Variants in EEF1AKMT2 observed in about 807,000 individuals in gnomAD.
EEF1AKMT2 encodes EEF1A lysine methyltransferase 2.
Under a neutral mutation model 35.8 loss-of-function variants are expected in EEF1AKMT2, and 32 were observed. The observed-to-expected ratio is 0.89, with a 90% CI of 0.67 to 1.20. The LOEUF (loss-of-function observed/expected upper bound fraction) is 1.20, where lower values mean the gene tolerates loss of function less well. Among genes scored for constraint, EEF1AKMT2 ranks in the 50% most tolerant of loss-of-function variants. The pLI is 0.00. For synonymous variants in EEF1AKMT2, 121 were observed against 133.7 expected (o/e 0.91, Z 0.65); for missense variants, 330 against 347.5 (o/e 0.95, Z 0.40).
intron 3 of EEF1AKMT2, among the ~76,000 whole-genome samples, chr10:124,782,455 G>A (rs919551068): frequency 8.6e-5 from 13 of 151,574 alleles, no homozygotes; most frequent in African/African-American, 2.4e-4. Flanking sequence ...GGTAGCGGGC[G>A]CCTGTAGTCC....
chr10:124,776,478 C>G (rs1263736957), intron 3 of EEF1AKMT2, among the ~76,000 whole-genome samples: 1 of 152,218 alleles, frequency 6.6e-6, no homozygotes, highest in East Asian at 1.9e-4. Context: ...TAGCAGAGAA[C>G]TGAAAACCAC....
At chr10:124,764,011 T>G (rs1950355585) in intron 5 of EEF1AKMT2, among the ~76,000 whole-genome samples, 1 of 152,168 alleles carries the variant, frequency 6.6e-6, no homozygotes, top group Admixed American at 6.5e-5. Context: ...CTCAAACACT[T>G]CAGGTTTTAC....
intron 4 of EEF1AKMT2, among the ~76,000 whole-genome samples, chr10:124,770,912 A>T (rs955370302): frequency 6.6e-6 from 1 of 152,130 alleles, no homozygotes; most frequent in African/African-American, 2.4e-5. Flanking sequence ...TTCTAATTCT[A>T]GTTTGCTACT....
In EEF1AKMT2 at chr10:124,762,486, G is replaced by C. The variant is rs1191438423; in HGVS notation, c.689C>G (p.Ser230Ter). ...TGTAGTTCCACCTACTCGGGAGGCT[G>C]AAGTGGAAAAGATCGCTTGAGCCCA... ...TSWAQAIFST[S>*]ASRVGGTTGT... Residue 230 changes from serine (S) to a stop codon, truncating the protein, a stop_gained, in exon 6 of 7, where the codon TCA (serine) becomes TGA (stop). Coordinates refer to ENST00000368836, the MANE Select transcript of EEF1AKMT2 (RefSeq NM_212554.4). LOFTEE classifies it high-confidence loss of function. 1 of 1,292,064 alleles carries C rather than the reference G, an allele frequency of 7.7e-7. No individual in the cohort carries two copies. Among genetic ancestry groups the C allele is most frequent in the East Asian group, 5.6e-5 (1 of 17,882 alleles). 80.0% of individuals were successfully genotyped at this position (1,292,064 alleles called of 1,614,324 possible).
Position 124,789,125 on chromosome 10 carries a change from CTTA to C in EEF1AKMT2, c.206_208del (p.Ile69del). 6.2e-7 allele frequency: 1 copy of C among 1,613,494 alleles called. No individual in the cohort carries two copies. The highest frequency in any genetic ancestry group is 8.5e-7 in the Non-Finnish European group (1 of 1,179,726). On this transcript the variant is annotated inframe_deletion, in exon 3 of 7. Coordinates refer to ENST00000368836, the MANE Select transcript of EEF1AKMT2 (RefSeq NM_212554.4). ...TGGAATCTTGTGTTTCTGCATCCACCTTATTAGTCGATTCATACTCTCTTCTCC... is the reference window on the plus strand; with the variant it reads ...TGGAATCTTGTGTTTCTGCATCCACCTTAGTCGATTCATACTCTCTTCTCC...
intron 2 of EEF1AKMT2, among the ~76,000 whole-genome samples, 194 bp downstream of exon 2, chr10:124,790,077 TAG>T (rs1248540032): frequency 2.0e-5 from 3 of 151,938 alleles, no homozygotes; most frequent in Non-Finnish European, 4.4e-5. Context: ...CTAATTTTCG[TAG>T]AGACAGGGTT....
intron 3 of EEF1AKMT2, among the ~76,000 whole-genome samples, chr10:124,775,266 T>C (rs1428859814): frequency 6.6e-6 from 1 of 152,230 alleles, no homozygotes; most frequent in Non-Finnish European, 1.5e-5. Context: ...TCTACATTTG[T>C]ATACTACTTT....
At chr10:124,762,693 G>A (rs977971935) in intron 5 of EEF1AKMT2, 135 bp from the exon 6 acceptor site, 6 of 416,044 alleles carry the variant, frequency 1.4e-5, no homozygotes, top group African/African-American at 8.4e-5. Flanking sequence ...CATAATAACC[G>A]AATATTATAA....
At chr10:124,769,237 T>TAA (rs1950407291) in intron 4 of EEF1AKMT2, among the ~76,000 whole-genome samples, 1 of 15,124 alleles carries the variant, frequency 6.6e-5, no homozygotes, top group Non-Finnish European at 2.5e-4. Flanking sequence ...AAAAAAAATA[T>TAA]ATATATATAT....
intron 5 of EEF1AKMT2, among the ~76,000 whole-genome samples, chr10:124,764,162 G>A (rs955472745): frequency 2.0e-5 from 3 of 152,046 alleles, no homozygotes; most frequent in Non-Finnish European, 4.4e-5. Flanking sequence ...ATGGTACACA[G>A]TAAACTATTC....
intron 1 of EEF1AKMT2, among the ~76,000 whole-genome samples, chr10:124,790,592 G>A (rs1453391290): frequency 6.6e-6 from 1 of 151,958 alleles, no homozygotes; most frequent in Non-Finnish European, 1.5e-5. Flanking sequence ...ATAAGTTTTA[G>A]CCTAAAAAAA....
At chr10:124,778,241 C>T (rs531149160) in intron 3 of EEF1AKMT2, among the ~76,000 whole-genome samples, 64 of 152,026 alleles carry the variant, frequency 4.2e-4, no homozygotes, top group African/African-American at 1.4e-3. Flanking sequence ...TATATGTATA[C>T]CCAATCCATA....
chr10:124,768,371 G>A (rs1231046121), intron 4 of EEF1AKMT2, among the ~76,000 whole-genome samples: 1 of 152,142 alleles, frequency 6.6e-6, no homozygotes, highest in Non-Finnish European at 1.5e-5. Flanking sequence ...CACTCTGGGA[G>A]GCCAAGGTAG....
chr10:124,783,819 ATTATTTTATT>A (rs1310461072), intron 3 of EEF1AKMT2, among the ~76,000 whole-genome samples: 1 of 151,258 alleles, frequency 6.6e-6, no homozygotes, highest in African/African-American at 2.4e-5. Context: ...ACCTGGCTAA[ATTATTTTATT>A]TTATTTTATT....
chr10:124,790,357 G>C lies in EEF1AKMT2; in HGVS notation c.111-19C>G, dbSNP rs1377947229. The C allele has an allele frequency of 6.4e-7, 1 of 1,565,676 alleles. No individual in the cohort carries two copies. The highest frequency in any genetic ancestry group is 8.8e-7 in the Non-Finnish European group (1 of 1,136,130). On this transcript the variant is annotated intron_variant, in intron 1 of 6. Coordinates refer to ENST00000368836, the MANE Select transcript of EEF1AKMT2 (RefSeq NM_212554.4). Reference sequence around the variant, plus strand: ...ATCCCAACTATGTAAACAATGAAATGCAAAGCAAGACTCTTGAATTAAACT... The same window carrying C: ...ATCCCAACTATGTAAACAATGAAATCCAAAGCAAGACTCTTGAATTAAACT...
At chr10:124,779,767 A>AAGAAAC (rs1554919111) in intron 3 of EEF1AKMT2, among the ~76,000 whole-genome samples, 1 of 144,746 alleles carries the variant, frequency 6.9e-6, no homozygotes, top group African/African-American at 2.6e-5. Context: ...AAAAAAAAAA[A>AAGAAAC]AAAGAAACAG....
intron 3 of EEF1AKMT2, among the ~76,000 whole-genome samples, chr10:124,784,607 A>G (rs983334509): frequency 1.3e-5 from 2 of 152,112 alleles, no homozygotes; most frequent in Admixed American, 6.5e-5. Context: ...AGGAAGAAAA[A>G]AAAAAAGAAC....
downstream of EEF1AKMT2, among the ~76,000 whole-genome samples, chr10:124,756,748 A>G (rs568977621): frequency 1.6e-4 from 25 of 152,156 alleles, no homozygotes; most frequent in Admixed American, 2.6e-4. Flanking sequence ...TCCATTGTAG[A>G]GCTGGTTTTA....
chr10:124,774,777 T>C lies in EEF1AKMT2; in HGVS notation c.297A>G (p.Lys99=), dbSNP rs1378642352. The C allele has an allele frequency of 2.8e-6, 4 of 1,431,212 alleles. No homozygotes were observed. The highest frequency in any genetic ancestry group is 3.7e-6 in the Non-Finnish European group (4 of 1,084,084). 88.7% of individuals were successfully genotyped at this position (1,431,212 alleles called of 1,614,324 possible). Residue 99 remains lysine, a synonymous_variant, in exon 4 of 7, where the codon AAA becomes AAG. Coordinates refer to ENST00000368836, the MANE Select transcript of EEF1AKMT2 (RefSeq NM_212554.4). The part of the protein sequence containing the change: ...GNGVFLVELA[K]FGFSNITGID... ...TTCCAGTAATATTAGAGAAACCAAA[T>C]TTTGCCTAGAGAGAAATAATTTTAT...
Sources: gnomAD v4.1 joint callset for allele counts (sites outside exome capture counted in the v4.1 genomes callset) on GRCh38, gnomAD v4.1.1 for gene constraint, MANE v1.5 for transcripts, NCBI Gene and HGNC (gene_info 2026-07-23, HGNC 2026-07-21) for gene names.